Variants in ZNF431 observed in about 807,000 individuals in gnomAD.
The protein encoded by ZNF431 is zinc finger protein 431.
Under a neutral mutation model 57.0 loss-of-function variants are expected in ZNF431, and 34 were observed. The observed-to-expected ratio is 0.60, with a 90% CI of 0.45 to 0.79. The LOEUF (loss-of-function observed/expected upper bound fraction) is 0.79, where lower values mean the gene tolerates loss of function less well. Ranked by LOEUF, ZNF431 falls within the 30% of genes least tolerant of loss-of-function variation. The pLI, the probability that ZNF431 is intolerant of heterozygous loss-of-function variation, is 0.00. For missense variants in ZNF431, 607 were observed against 667.1 expected, an observed-to-expected ratio of 0.91 and a Z score of 0.99; for synonymous variants, 207 against 220.3, an observed-to-expected ratio of 0.94 and a Z score of 0.54.
At chr19:21,179,900 G>T (rs565421052) in intron 4 of ZNF431, among the ~76,000 whole-genome samples, 66 of 152,062 alleles carry the variant, frequency 4.3e-4, no homozygotes, top group Non-Finnish European at 6.8e-4. Flanking sequence ...ATAATTTTTT[G>T]ATTTCTGATT....
chr19:21,150,414 C>T (rs1599577748), intron 2 of ZNF431: 4 of 282,578 alleles, frequency 1.4e-5, no homozygotes, highest in East Asian at 1.9e-4. Flanking sequence ...ACCTTCTTCC[C>T]CTAGGCCTTC....
intron 4 of ZNF431, among the ~76,000 whole-genome samples, chr19:21,168,070 T>A (rs969890813): frequency 3.3e-5 from 5 of 152,138 alleles, no homozygotes. Flanking sequence ...TATGTGAGAG[T>A]AGTGATTTCT....
intron 2 of ZNF431, among the ~76,000 whole-genome samples, chr19:21,164,015 A>T (rs1568304456): frequency 6.7e-6 from 1 of 149,574 alleles, no homozygotes; most frequent in Non-Finnish European, 1.5e-5. Flanking sequence ...TGGGAGGCGG[A>T]TGTTGCAGTG....
At position 21,183,928 on chromosome 19, in the gene ZNF431, G is replaced by A. The variant is rs765109004; in HGVS notation, c.1625G>A (p.Cys542Tyr). 1.9e-6 allele frequency: 3 copies of A among 1,613,162 alleles called. No homozygotes were observed. The highest frequency in any genetic ancestry group is 4.5e-5 in the East Asian group (2 of 44,872). Residue 542 changes from cysteine (C) to tyrosine (Y), a missense_variant, in exon 5 of 5, where the codon TGT becomes TAT. Transcript: ENST00000311048. ...KIHTRQKPYNCEECDNTFNQS... is the reference protein window; with the variant it reads ...KIHTRQKPYNYEECDNTFNQS... Reference sequence around the variant, plus strand: ...CATACTAGACAGAAACCCTACAACTGTGAAGAATGTGACAATACATTTAAC... The same window carrying A: ...CATACTAGACAGAAACCCTACAACTATGAAGAATGTGACAATACATTTAAC...
At chr19:21,173,611 T>C (rs57941450) in intron 4 of ZNF431, among the ~76,000 whole-genome samples, 29,522 of 152,078 alleles carry the variant, frequency 0.19, 3,655 homozygotes, top group African/African-American at 0.35. Context: ...CTGCAACCTC[T>C]GCCTCCTGGG....
intron 1 of ZNF431, 52 bp downstream of exon 1, chr19:21,142,238 C>T (rs750316039): frequency 1.2e-6 from 2 of 1,612,280 alleles, no homozygotes; most frequent in Non-Finnish European, 1.7e-6. Context: ...TGGTTGTAAC[C>T]GGTGGGAAGT....
At chr19:21,143,670 C>G (rs780495408) in intron 2 of ZNF431, 27 bp downstream of exon 2, 1 of 1,553,812 alleles carries the variant, frequency 6.4e-7, no homozygotes, top group African/African-American at 1.4e-5. Context: ...TTAAAATTGT[C>G]TACGCCCAAC....
At chr19:21,168,752 C>T (rs546474370) in intron 4 of ZNF431, among the ~76,000 whole-genome samples, 5 of 151,826 alleles carry the variant, frequency 3.3e-5, no homozygotes, top group Admixed American at 1.3e-4. Flanking sequence ...TTACCTTCTT[C>T]GTTATATTTG....
chr19:21,148,333 A>G (rs547646294), intron 2 of ZNF431, among the ~76,000 whole-genome samples: 1 of 152,174 alleles, frequency 6.6e-6, no homozygotes, highest in Non-Finnish European at 1.5e-5. Flanking sequence ...TCCAATTTTA[A>G]TGTTTGACCA....
chr19:21,184,115 G>C lies in ZNF431; in HGVS notation c.*81G>C. The C allele has an allele frequency of 8.0e-7, 1 of 1,253,080 alleles. No homozygotes were observed. The highest frequency in any genetic ancestry group is 1.1e-6 in the Non-Finnish European group (1 of 913,814). The allele number at this position is 1,253,080 out of a possible 1,614,324, so 77.6% of individuals were successfully genotyped here. A position where few individuals can be genotyped will look rare whatever the true frequency, so the allele number is the denominator to read the frequency against. Reference sequence around the variant, plus strand: ...AAAATGGCTCCCAGCATTTTGGGAGGCTGAGGTGGGTGGATCACAAGGTCA... The same window carrying C: ...AAAATGGCTCCCAGCATTTTGGGAGCCTGAGGTGGGTGGATCACAAGGTCA... On this transcript the variant is annotated 3_prime_UTR_variant, in exon 5 of 5. Coordinates refer to ENST00000311048, the MANE Select transcript of ZNF431 (RefSeq NM_133473.4).
In ZNF431 at chr19:21,195,658, A is replaced by C. The variant is rs1012678902; in HGVS notation, c.*11624A>C. Reference sequence around the variant, plus strand: ...TTCCTTGATACGTATGAGATTCACCAGTACCAGTTTTTCTCTTGTGGTGGC... The same window carrying C: ...TTCCTTGATACGTATGAGATTCACCCGTACCAGTTTTTCTCTTGTGGTGGC... On this transcript the variant is annotated 3_prime_UTR_variant, in exon 5 of 5. Transcript: ENST00000311048. 1 of 152,208 alleles carries C rather than the reference A, an allele frequency of 6.6e-6. No homozygotes were observed. Among genetic ancestry groups the C allele is most frequent in the African/African-American group, 2.4e-5 (1 of 41,458 alleles). The allele number at this position is 152,208 out of a possible 1,614,324, so 9.4% of individuals were successfully genotyped here.
intron 2 of ZNF431, among the ~76,000 whole-genome samples, chr19:21,159,199 C>G (rs1013484130): frequency 2.6e-5 from 4 of 151,994 alleles, no homozygotes; most frequent in African/African-American, 9.7e-5. Flanking sequence ...TTGATGTTCT[C>G]CTGGATTTGG....
intron 4 of ZNF431, among the ~76,000 whole-genome samples, chr19:21,179,459 G>T (rs975003953): frequency 6.6e-6 from 1 of 151,432 alleles, no homozygotes; most frequent in African/African-American, 2.4e-5. Context: ...ATGTTAGGGT[G>T]TCCATTTAAG....
intron 2 of ZNF431, among the ~76,000 whole-genome samples, chr19:21,157,707 G>C (rs1281941169): frequency 6.6e-6 from 1 of 151,402 alleles, no homozygotes; most frequent in Non-Finnish European, 1.5e-5. Flanking sequence ...AATTTTTTTG[G>C]ATTTTTTTAG....
chr19:21,172,397 C>T (rs1485791811), intron 4 of ZNF431, among the ~76,000 whole-genome samples: 3 of 148,178 alleles, frequency 2.0e-5, no homozygotes, highest in Non-Finnish European at 4.5e-5. Context: ...CACCACACTC[C>T]AGCCTGGGTG....
In ZNF431 at chr19:21,187,127, T is replaced by C. The variant is rs1410401498; in HGVS notation, c.*3093T>C. On this transcript the variant is annotated 3_prime_UTR_variant, in exon 5 of 5. Coordinates refer to ENST00000311048, the MANE Select transcript of ZNF431 (RefSeq NM_133473.4). The stretch of plus-strand genomic sequence containing the variant: ...AGATGAAAAATATCAATGGTGAAGA[T>C]TGATTGTTCATATAGAGAGGACATT... 1.3e-5 allele frequency: 2 copies of C among 152,166 alleles called. No individual in the cohort carries two copies. Among genetic ancestry groups the C allele is most frequent in the African/African-American group, 2.4e-5 (1 of 41,454 alleles). 9.4% of individuals were successfully genotyped at this position (152,166 alleles called of 1,614,324 possible).
rs952817059 is a variant in ZNF431, at chr19:21,193,925, G to C, written c.*9891G>C. Reference sequence around the variant, plus strand: ...ATGACAAATCCTCAGCTAACATACTGAACAGACAAAAGGGGCATGCATTTC... The same window carrying C: ...ATGACAAATCCTCAGCTAACATACTCAACAGACAAAAGGGGCATGCATTTC... On this transcript the variant is annotated 3_prime_UTR_variant, in exon 5 of 5. Transcript: ENST00000311048. The C allele has an allele frequency of 2.0e-5, 3 of 151,828 alleles. No individual in the cohort carries two copies. The highest frequency in any genetic ancestry group is 2.9e-5 in the Non-Finnish European group (2 of 67,962). The allele number at this position is 151,828 out of a possible 1,614,324, so 9.4% of individuals were successfully genotyped here. A position where few individuals can be genotyped will look rare whatever the true frequency, so the allele number is the denominator to read the frequency against.
chr19:21,164,908 C>G (rs1462917331), intron 2 of ZNF431, among the ~76,000 whole-genome samples: 1 of 151,366 alleles, frequency 6.6e-6, no homozygotes, highest in African/African-American at 2.4e-5. Context: ...GTTGGGCGTT[C>G]AAGACCAGCC....
chr19:21,146,423 AAAAAG>A (rs1185367862), intron 2 of ZNF431, among the ~76,000 whole-genome samples: 10 of 151,884 alleles, frequency 6.6e-5, no homozygotes, highest in Non-Finnish European at 1.0e-4. Context: ...AAAAAAAAAA[AAAAAG>A]AAGAAGAAAG....
Sources: gnomAD v4.1 joint callset for allele counts (sites outside exome capture counted in the v4.1 genomes callset) on GRCh38, gnomAD v4.1.1 for gene constraint, MANE v1.5 for transcripts, NCBI Gene and HGNC (gene_info 2026-07-23, HGNC 2026-07-21) for gene names.